Variants in NCAPD3 observed in about 807,000 individuals in gnomAD.
The protein encoded by NCAPD3 is non-SMC condensin II complex subunit D3, also known as condensin-2 complex subunit D3.
Under a neutral mutation model 182.9 loss-of-function variants are expected in NCAPD3, and 105 were observed. That is an observed-to-expected ratio of 0.57 (90% CI 0.49 to 0.68). NCAPD3 has a LOEUF of 0.68. Ranked by LOEUF, NCAPD3 falls within the 30% of genes least tolerant of loss-of-function variation. The pLI is 0.00. For synonymous variants in NCAPD3, 815 were observed against 679.9 expected, an observed-to-expected ratio of 1.20 and a Z score of -3.09; for missense variants, 1,944 against 1,837.0, an observed-to-expected ratio of 1.06 and a Z score of -1.07.
intron 24 of NCAPD3, 66 bp downstream of exon 24, chr11:134,176,241 A>G (rs1944161051): frequency 5.5e-6 from 8 of 1,442,760 alleles, no homozygotes; most frequent in South Asian, 1.2e-5. Context: ...TGAAAAAAAA[A>G]GAAATCCAGC....
chr11:134,178,650 A>T lies in NCAPD3; in HGVS notation c.2766T>A (p.His922Gln), dbSNP rs569777875. Residue 922 changes from histidine to glutamine, a missense_variant, in exon 22 of 35, where the codon CAT becomes CAA. Physicochemically the swap from His to Gln is conservative, Grantham distance 24 (BLOSUM62 0). Coordinates refer to ENST00000534548, the MANE Select transcript of NCAPD3 (RefSeq NM_015261.3). The stretch of plus-strand genomic sequence containing the variant: ...TTTTCTTACCTAAGGTAATGATGGC[A>T]TGTGCTCTAATCACAGAGGGCATGA... ...GSVMPSVIRA[H>Q]AIITLGKLCL... 1 of 1,564,064 alleles carries T rather than the reference A, an allele frequency of 6.4e-7. No individual in the cohort carries two copies. The highest frequency in any genetic ancestry group is 1.2e-5 in the South Asian group (1 of 83,524).
chr11:134,175,188 TAAC>T (rs1944131023), intron 24 of NCAPD3, among the ~76,000 whole-genome samples: 1 of 152,188 alleles, frequency 6.6e-6, no homozygotes, highest in Non-Finnish European at 1.5e-5. Flanking sequence ...ATATAGGGGC[TAAC>T]AACAGCGGGG....
chr11:134,192,544 C>A (rs963092782), intron 16 of NCAPD3, 145 bp downstream of exon 16: 1 of 674,390 alleles, frequency 1.5e-6, no homozygotes, highest in Admixed American at 2.9e-5. Context: ...GGAAGTCAGT[C>A]AGGGAAAGAG....
chr11:134,204,686 A>G lies in NCAPD3; in HGVS notation c.1089+213T>C, dbSNP rs1233306323. Among the ~76,000 whole-genome samples the G allele has an allele frequency of 6.6e-6, 1 of 152,146 alleles. No individual in the cohort carries two copies. Among genetic ancestry groups the G allele is most frequent in the African/African-American group, 2.4e-5 (1 of 41,428 alleles). ...TTCCCTGTTTCTGTGTGTATGTTCA[A>G]CATTTTTCCAAAACAAAGTTTTTTT... On this transcript the variant is annotated intron_variant, in intron 9 of 34. Transcript: ENST00000534548. The surrounding 1 kb of genome is among the most constrained non-coding windows in gnomAD (Gnocchi z 4.3).
intron 20 of NCAPD3, 107 bp downstream of exon 20, chr11:134,180,970 G>T (rs1009789866): frequency 5.5e-5 from 41 of 743,200 alleles, no homozygotes; most frequent in Non-Finnish European, 8.7e-5. Flanking sequence ...GGCTAAGACA[G>T]CTCTTTTGTT....
At chr11:134,178,577 A>T in intron 22 of NCAPD3, 57 bp downstream of exon 22, 1 of 1,345,810 alleles carries the variant, frequency 7.4e-7, no homozygotes. Context: ...GGGCTTACTT[A>T]AGACAACAGC....
rs764640348 is a variant in NCAPD3 at position 134,181,088 on chromosome 11, C to T, written c.2548G>A (p.Glu850Lys). 19 of 1,612,238 alleles carry T rather than the reference C, an allele frequency of 1.2e-5. No homozygotes were observed. Among genetic ancestry groups the T allele is most frequent in the East Asian group, 2.2e-5 (1 of 44,864 alleles). The change falls in exon 20 of 35, where the codon GAA becomes AAA. Residue 850 changes from glutamate to lysine, a missense_variant. Glu to Lys is a moderately conservative substitution (Grantham distance 56). Around this residue, in one of 3 missense-constraint regions of NCAPD3, gnomAD observed 1,803 missense variants for 1,674.6 expected, o/e 1.08. Coordinates refer to ENST00000534548, the MANE Select transcript of NCAPD3 (RefSeq NM_015261.3). ...LKENGTGNMD[E>K]DLLVKYIFTL... ...AAGCAGTCGCTTACCAACAGGTCTT[C>T]GTCCATATTCCCTGTTCCATTCTCC... is the stretch of plus-strand genomic sequence containing the variant.
Position 134,152,368 on chromosome 11 carries a change from C to G in NCAPD3, c.*576G>C, listed in dbSNP as rs1943267898. 6.6e-6 allele frequency: 1 copy of G among 152,198 alleles called. No individual in the cohort carries two copies. The highest frequency in any genetic ancestry group is 2.1e-4 in the South Asian group (1 of 4,824). 9.4% of individuals were successfully genotyped at this position (152,198 alleles called of 1,614,324 possible). A position where few individuals can be genotyped will look rare whatever the true frequency, so the allele number is the denominator to read the frequency against. ...TTCATTCCTCTAACAAACAAACATG[C>G]TTTATGTAAAATTAAAATGATTACC... On this transcript the variant is annotated 3_prime_UTR_variant, in exon 35 of 35. Transcript: ENST00000534548.
chr11:134,193,115 A>G (rs989459782), intron 15 of NCAPD3, among the ~76,000 whole-genome samples: 2 of 152,272 alleles, frequency 1.3e-5, no homozygotes, highest in Non-Finnish European at 2.9e-5. Flanking sequence ...CATACATTAA[A>G]GTCACTATTT....
At chr11:134,196,431 G>A (rs1164793784) in intron 13 of NCAPD3, among the ~76,000 whole-genome samples, 2 of 152,006 alleles carry the variant, frequency 1.3e-5, no homozygotes, top group Non-Finnish European at 2.9e-5. Flanking sequence ...ATCACCTGAG[G>A]TCAGGAGTTC....
In NCAPD3 at chr11:134,197,396, C is replaced by A. The variant is rs188762992; in HGVS notation, c.1616-2658G>T. 8.4e-3 allele frequency among the ~76,000 whole-genome samples: 1,275 copies of A among 151,526 alleles called. 21 individuals are homozygous for A. Among genetic ancestry groups the A allele is most frequent in the African/African-American group, 0.029 (1,202 of 41,258 alleles). On this transcript the variant is annotated intron_variant, in intron 13 of 34. Coordinates refer to ENST00000534548, the MANE Select transcript of NCAPD3 (RefSeq NM_015261.3). ...GGTTCAAGTGATTCTCCTGCCTCAG[C>A]CTCCTAAGTAGCTGAGATTACAGGC...
At chr11:134,175,768 T>C (rs907009803) in intron 24 of NCAPD3, among the ~76,000 whole-genome samples, 1 of 152,074 alleles carries the variant, frequency 6.6e-6, no homozygotes, top group Admixed American at 6.5e-5. Flanking sequence ...GATGCAAGGA[T>C]AGAAATTAAT....
At position 134,210,348 on chromosome 11, in the gene NCAPD3, T is replaced by C. The variant is rs1431168004; in HGVS notation, c.489A>G (p.Lys163=). ...QESNLNRKRK[K]EQPKSSQANP... is the part of the protein sequence containing the mutation. Reference sequence around the variant, plus strand: ...TAGCCTGAGAGCTCTTAGGCTGTTCTTTCTTTCTTTTCCGATTCAAGTTAG... The same window carrying C: ...TAGCCTGAGAGCTCTTAGGCTGTTCCTTCTTTCTTTTCCGATTCAAGTTAG... The change falls in exon 4 of 35, where the codon AAA becomes AAG. Residue 163 remains lysine (K), a synonymous_variant. Coordinates refer to ENST00000534548, the MANE Select transcript of NCAPD3 (RefSeq NM_015261.3). 7 of 1,614,192 alleles carry C rather than the reference T, an allele frequency of 4.3e-6. No homozygotes were observed. Among genetic ancestry groups the C allele is most frequent in the South Asian group, 1.1e-5 (1 of 91,074 alleles).
intron 7 of NCAPD3, 152 bp downstream of exon 7, chr11:134,208,712 G>C (rs1937711224): frequency 4.8e-6 from 3 of 629,002 alleles, no homozygotes; most frequent in Non-Finnish European, 8.4e-6. Flanking sequence ...TAGAAATAGT[G>C]ATACTTTTTA....
intron 13 of NCAPD3, among the ~76,000 whole-genome samples, chr11:134,202,520 G>A (rs1944769900): frequency 6.6e-6 from 1 of 152,086 alleles, no homozygotes; most frequent in Admixed American, 6.6e-5. Flanking sequence ...TGGGACCACA[G>A]GGGCACACCA....
chr11:134,170,859 A>T (rs1943990212), intron 24 of NCAPD3, among the ~76,000 whole-genome samples: 2 of 152,252 alleles, frequency 1.3e-5, no homozygotes, highest in African/African-American at 4.8e-5. Flanking sequence ...AATGTGTGAT[A>T]TCCACAACTC....
rs917847214 is a variant in NCAPD3, at chr11:134,152,255, C to CTGTT, written c.*685_*688dup. Among the ~76,000 whole-genome samples, 8 of 152,258 alleles carry CTGTT rather than the reference C, an allele frequency of 5.3e-5. No individual in the cohort carries two copies. The highest frequency in any genetic ancestry group is 1.2e-4 in the African/African-American group (5 of 41,468). On this transcript the variant is annotated 3_prime_UTR_variant, in exon 35 of 35. Coordinates refer to ENST00000534548, the MANE Select transcript of NCAPD3 (RefSeq NM_015261.3). Reference sequence around the variant, plus strand: ...TCCCAAGAAGGGATGCTGTTCATGTCTGTTAGGGAAAGCACACCGCCTCTG... The same window carrying CTGTT: ...TCCCAAGAAGGGATGCTGTTCATGTCTGTTTGTTAGGGAAAGCACACCGCCTCTG...
At chr11:134,157,620 G>A (rs1943460001) in intron 31 of NCAPD3, among the ~76,000 whole-genome samples, 2 of 152,136 alleles carry the variant, frequency 1.3e-5, no homozygotes, top group Admixed American at 1.3e-4. Context: ...AGGGAAACAG[G>A]TCATAAAACA....
intron 7 of NCAPD3, among the ~76,000 whole-genome samples, chr11:134,208,591 C>T (rs915843161): frequency 6.6e-6 from 1 of 152,182 alleles, no homozygotes; most frequent in Non-Finnish European, 1.5e-5. Flanking sequence ...TTATCTGTTC[C>T]TCCTATTTCA....
Sources: allele counts gnomAD v4.1 joint callset (sites outside exome capture counted in the v4.1 genomes callset), GRCh38; gene constraint gnomAD v4.1.1; regional missense constraint gnomAD v4.1.1; non-coding constraint Gnocchi (gnomAD v3.1); transcripts MANE v1.5; gene names NCBI Gene and HGNC (gene_info 2026-07-23, HGNC 2026-07-21).